The following DIAPH3 variants were observed in gnomAD, a reference collection of about 807,000 sequenced individuals.
DIAPH3 encodes the protein diaphanous related formin 3.
In DIAPH3, 117 loss-of-function variants were observed where a neutral mutation model predicts 144.3. That is an observed-to-expected ratio of 0.81 (90% CI 0.70 to 0.95). DIAPH3 has a LOEUF of 0.95. DIAPH3 is among the 40% of genes least tolerant of loss of function. The pLI, the probability that DIAPH3 is intolerant of heterozygous loss-of-function variation, is 0.00. For synonymous variants in DIAPH3, 519 were observed against 488.9 expected (o/e 1.06, Z -0.81); for missense variants, 1,421 against 1,412.7 (o/e 1.01, Z -0.09).
At chr13:59,682,728 A>G (rs2033010113) in intron 27 of DIAPH3, among the ~76,000 whole-genome samples, 4 of 151,858 alleles carry the variant, frequency 2.6e-5, no homozygotes, top group African/African-American at 9.7e-5. Context: ...CATTGTCTAT[A>G]ATAATCTTTC....
intron 25 of DIAPH3, among the ~76,000 whole-genome samples, chr13:59,800,679 T>G (rs1048232398): frequency 6.6e-6 from 1 of 152,182 alleles, no homozygotes; most frequent in Admixed American, 6.6e-5. Context: ...ACGACATGTT[T>G]CCTCAGACCA....
intron 1 of DIAPH3, among the ~76,000 whole-genome samples, chr13:60,159,119 T>A (rs980094685): frequency 4.6e-5 from 7 of 152,032 alleles, no homozygotes; most frequent in Non-Finnish European, 1.0e-4. Context: ...GTACTCAAAT[T>A]CCTACTACGT....
Position 59,786,280 on chromosome 13 carries a change from G to A in DIAPH3, c.3164-11457C>T, listed in dbSNP as rs185844487. Among the ~76,000 whole-genome samples the A allele has an allele frequency of 1.4e-3, 212 of 152,058 alleles. 2 individuals are homozygous for A. Among genetic ancestry groups the A allele is most frequent in the African/African-American group, 4.8e-3 (199 of 41,484 alleles). The stretch of plus-strand genomic sequence containing the variant: ...TAATTTCATGTCTTACACTAAATAG[G>A]ATTATAGAGATGATATTTATGAAAT... On this transcript the variant is annotated intron_variant, in intron 25 of 27. Coordinates refer to ENST00000400324, the MANE Select transcript of DIAPH3 (RefSeq NM_001042517.2).
intron 1 of DIAPH3, among the ~76,000 whole-genome samples, chr13:60,148,005 A>T (rs1951613503): frequency 6.6e-6 from 1 of 152,148 alleles, no homozygotes; most frequent in South Asian, 2.1e-4. Context: ...GAGGTCAGGG[A>T]CAGTAGGAGA....
At chr13:60,146,951 C>A (rs1951554203) in intron 1 of DIAPH3, among the ~76,000 whole-genome samples, 1 of 152,204 alleles carries the variant, frequency 6.6e-6, no homozygotes, top group African/African-American at 2.4e-5. Flanking sequence ...CTGTTTCTGT[C>A]ATCACTGATG....
chr13:59,716,621 T>C (rs1427526700), intron 27 of DIAPH3, among the ~76,000 whole-genome samples: 1 of 152,216 alleles, frequency 6.6e-6, no homozygotes, highest in Non-Finnish European at 1.5e-5. Flanking sequence ...GAAACCCTTT[T>C]GAAGTAGACA....
chr13:59,808,255 A>G (rs1392783705), intron 25 of DIAPH3, among the ~76,000 whole-genome samples: 1 of 151,920 alleles, frequency 6.6e-6, no homozygotes, highest in African/African-American at 2.4e-5. Context: ...GTAAATATGA[A>G]TACATACTGA....
At chr13:59,706,464 G>A (rs1184643411) in intron 27 of DIAPH3, among the ~76,000 whole-genome samples, 1 of 152,120 alleles carries the variant, frequency 6.6e-6, no homozygotes. Context: ...AGAAGGAAAC[G>A]AGAAATATTA....
chr13:60,007,316 G>T (rs532090145), intron 9 of DIAPH3, among the ~76,000 whole-genome samples: 1 of 152,200 alleles, frequency 6.6e-6, no homozygotes, highest in East Asian at 1.9e-4. Flanking sequence ...CTCCCAAAGT[G>T]CTAGGATTAC....
intron 4 of DIAPH3, among the ~76,000 whole-genome samples, chr13:60,080,805 A>G (rs2057531176): frequency 6.6e-6 from 1 of 152,126 alleles, no homozygotes; most frequent in South Asian, 2.1e-4. Flanking sequence ...GACAAATAAT[A>G]CACATTTATC....
At chr13:59,717,516 G>C (rs1223783671) in intron 27 of DIAPH3, among the ~76,000 whole-genome samples, 1 of 152,152 alleles carries the variant, frequency 6.6e-6, no homozygotes, top group Non-Finnish European at 1.5e-5. Context: ...AGTGTGTACA[G>C]TCTGACCACT....
chr13:59,688,238 C>T (rs1292110843), intron 27 of DIAPH3, among the ~76,000 whole-genome samples: 1 of 151,968 alleles, frequency 6.6e-6, no homozygotes, highest in African/African-American at 2.4e-5. Context: ...GTATGTTGGC[C>T]AAGCTAATCA....
chr13:59,912,768 T>C (rs1041710867), intron 19 of DIAPH3, among the ~76,000 whole-genome samples: 2 of 152,268 alleles, frequency 1.3e-5, no homozygotes, highest in Admixed American at 6.5e-5. Flanking sequence ...TAAGCCTAGA[T>C]CATGCTATAT....
At chr13:59,692,201 C>T (rs2033567170) in intron 27 of DIAPH3, among the ~76,000 whole-genome samples, 2 of 77,596 alleles carry the variant, frequency 2.6e-5, no homozygotes, top group Admixed American at 1.8e-4. Flanking sequence ...GATAGCTTAG[C>T]TATTTTTCTG....
intron 25 of DIAPH3, 63 bp downstream of exon 25, chr13:59,810,725 A>C: frequency 6.4e-7 from 1 of 1,558,504 alleles, no homozygotes; most frequent in Non-Finnish European, 8.7e-7. Flanking sequence ...TAATATACTA[A>C]TAAAGCAGCC....
At chr13:59,955,761 T>C (rs1375647813) in intron 17 of DIAPH3, among the ~76,000 whole-genome samples, 1 of 152,178 alleles carries the variant, frequency 6.6e-6, no homozygotes, top group Non-Finnish European at 1.5e-5. Context: ...TAGAGACTTG[T>C]TGAATGGTTT....
chr13:59,711,629 T>A (rs1400008572), intron 27 of DIAPH3, among the ~76,000 whole-genome samples: 2 of 152,200 alleles, frequency 1.3e-5, no homozygotes, highest in Non-Finnish European at 2.9e-5. Flanking sequence ...AATTACTTCA[T>A]TTAGTCCTCA....
chr13:59,976,412 G>C lies in DIAPH3; in HGVS notation c.1546-1956C>G, dbSNP rs117160854. Among the ~76,000 whole-genome samples, 1,272 of 151,856 alleles carry C rather than the reference G, an allele frequency of 8.4e-3. 11 individuals carry two copies. Among genetic ancestry groups the C allele is most frequent in the South Asian group, 0.017 (83 of 4,804 alleles). Reference sequence around the variant, plus strand: ...ATAAAGTTTAAAAATTCAGTTCCTCGGTCACACCAGCCATTTTAAAAAGTA... The same window carrying C: ...ATAAAGTTTAAAAATTCAGTTCCTCCGTCACACCAGCCATTTTAAAAAGTA... On this transcript the variant is annotated intron_variant, in intron 14 of 27. Coordinates refer to ENST00000400324, the MANE Select transcript of DIAPH3 (RefSeq NM_001042517.2).
chr13:59,723,864 C>G (rs1389076610), intron 27 of DIAPH3, among the ~76,000 whole-genome samples: 1 of 151,176 alleles, frequency 6.6e-6, no homozygotes, highest in Non-Finnish European at 1.5e-5. Context: ...CCGCCCGCCT[C>G]GGCCTCCCAA....
Sources: gnomAD v4.1 joint callset for allele counts (sites outside exome capture counted in the v4.1 genomes callset) on GRCh38, gnomAD v4.1.1 for gene constraint, MANE v1.5 for transcripts, NCBI Gene and HGNC (gene_info 2026-07-23, HGNC 2026-07-21) for gene names.